The following AGBL1 variants were observed in gnomAD, a reference collection of about 807,000 sequenced individuals.
AGBL1 encodes the protein AGBL carboxypeptidase 1.
In AGBL1, 130 loss-of-function variants were observed where a neutral mutation model predicts 118.9. The observed-to-expected ratio is 1.09, with a 90% CI of 0.95 to 1.26. AGBL1 has a LOEUF of 1.26. Ranked by LOEUF, AGBL1 falls within the 50% of genes most tolerant of loss-of-function variation. AGBL1 has a pLI of 0.00. For missense variants in AGBL1, 1,584 were observed against 1,298.1 expected (o/e 1.22, Z -3.38); for synonymous variants, 555 against 478.9 (o/e 1.16, Z -2.08).
intron 22 of AGBL1, among the ~76,000 whole-genome samples, chr15:86,881,335 C>T (rs1433531375): frequency 6.6e-6 from 1 of 152,142 alleles, no homozygotes; most frequent in African/African-American, 2.4e-5. Context: ...TACTGCAAAC[C>T]TCCACATCCT....
At chr15:86,338,885 A>G (rs889395972) in intron 17 of AGBL1, among the ~76,000 whole-genome samples, 4 of 152,098 alleles carry the variant, frequency 2.6e-5, no homozygotes, top group Admixed American at 2.0e-4. Context: ...TCACCATTAT[A>G]TGTCATGTTA....
chr15:86,448,515 G>T (rs995348967), intron 18 of AGBL1, among the ~76,000 whole-genome samples: 2 of 152,206 alleles, frequency 1.3e-5, no homozygotes, highest in Non-Finnish European at 2.9e-5. Flanking sequence ...CCCATTGTCA[G>T]TTAAGGAACA....
chr15:86,710,400 A>G (rs2086536006), intron 22 of AGBL1, among the ~76,000 whole-genome samples: 1 of 152,192 alleles, frequency 6.6e-6, no homozygotes, highest in African/African-American at 2.4e-5. Flanking sequence ...CATTATTTTT[A>G]AAATAATGAA....
intron 21 of AGBL1, among the ~76,000 whole-genome samples, chr15:86,607,600 G>A (rs1219540375): frequency 6.6e-6 from 1 of 152,084 alleles, no homozygotes; most frequent in Non-Finnish European, 1.5e-5. Flanking sequence ...TTATATTTTG[G>A]CCATTTTACT....
chr15:86,454,296 A>T (rs1484317750), intron 18 of AGBL1, among the ~76,000 whole-genome samples: 1 of 152,172 alleles, frequency 6.6e-6, no homozygotes, highest in African/African-American at 2.4e-5. Flanking sequence ...AAAATATAGA[A>T]CGATTGGAAC....
chr15:86,283,878 A>G (rs1392650168), intron 16 of AGBL1, among the ~76,000 whole-genome samples: 4 of 152,142 alleles, frequency 2.6e-5, no homozygotes, highest in Non-Finnish European at 4.4e-5. Context: ...GAAAGCTTTG[A>G]GGTCAGACAG....
At chr15:86,219,302 G>A (rs376653092) in intron 5 of AGBL1, among the ~76,000 whole-genome samples, 2 of 152,284 alleles carry the variant, frequency 1.3e-5, no homozygotes, top group African/African-American at 4.8e-5. Flanking sequence ...AAATGTAATT[G>A]TGGTTTTTGC....
rs141143355 is a variant in AGBL1, at chr15:86,935,244, T to A, written c.3222-52743T>A. 3 of 151,994 alleles carry A rather than the reference T, an allele frequency of 2.0e-5. No homozygotes were observed. In the East Asian group the frequency reaches 5.8e-4, roughly 29 times the overall value. The allele number at this position is 151,994 out of a possible 1,614,324, so 9.4% of individuals were successfully genotyped here. ...GTGACCCCAGAGATCAATTAGAGGGTCGTTCAGTGTTTTACCATTTACTTG... is the reference window on the plus strand; with the variant it reads ...GTGACCCCAGAGATCAATTAGAGGGACGTTCAGTGTTTTACCATTTACTTG... On this transcript the variant is annotated intron_variant, in intron 23 of 24. Transcript: ENST00000441037.
chr15:87,016,405 G>A (rs7495992), intron 24 of AGBL1, among the ~76,000 whole-genome samples: 54 of 152,308 alleles, frequency 3.5e-4, no homozygotes, highest in African/African-American at 1.1e-3. Flanking sequence ...GTGCCTTGAA[G>A]AATGAGTGGG....
chr15:86,543,602 C>G (rs555128539), intron 19 of AGBL1, among the ~76,000 whole-genome samples: 39 of 152,158 alleles, frequency 2.6e-4, no homozygotes, highest in Non-Finnish European at 5.3e-4. Context: ...TGTTCAATGC[C>G]CTTTTCATGC....
chr15:86,173,513 T>G (rs1273549258), intron 5 of AGBL1, among the ~76,000 whole-genome samples: 7 of 152,184 alleles, frequency 4.6e-5, no homozygotes. Context: ...ATAAAATCTT[T>G]AACCAGACCA....
At chr15:86,243,508 C>T (rs1222312660) in intron 6 of AGBL1, among the ~76,000 whole-genome samples, 2 of 152,096 alleles carry the variant, frequency 1.3e-5, no homozygotes, top group African/African-American at 4.8e-5. Flanking sequence ...AGATAAATCT[C>T]CTGTTGTTCA....
intron 18 of AGBL1, 69 bp downstream of exon 18, chr15:86,397,615 G>A: frequency 3.4e-6 from 5 of 1,454,460 alleles, no homozygotes; most frequent in Non-Finnish European, 4.7e-6. Context: ...ATTTCACCAA[G>A]TAGGCGTGAT....
At chr15:86,721,852 T>C (rs1237124931) in intron 22 of AGBL1, among the ~76,000 whole-genome samples, 3 of 152,194 alleles carry the variant, frequency 2.0e-5, no homozygotes, top group African/African-American at 4.8e-5. Context: ...AGCATTCTTA[T>C]ACACCGATAA....
rs535890572 is a variant in AGBL1, at chr15:86,478,644, A to G, written c.2556-44166A>G. Among the ~76,000 whole-genome samples the G allele has an allele frequency of 5.9e-5, 9 of 152,316 alleles. No individual in the cohort carries two copies. The East Asian group carries it at 1.7e-3, about 29-fold the overall frequency. On this transcript the variant is annotated intron_variant, in intron 18 of 22. Transcript: ENST00000614907. Reference sequence around the variant, plus strand: ...GATAGGAAGAATCAATATCATGAAAATGGCCATACTGCCCAGGGTAATTTA... The same window carrying G: ...GATAGGAAGAATCAATATCATGAAAGTGGCCATACTGCCCAGGGTAATTTA...
intron 21 of AGBL1, among the ~76,000 whole-genome samples, chr15:86,593,350 G>A (rs1309149087): frequency 6.6e-6 from 1 of 150,600 alleles, no homozygotes; most frequent in Non-Finnish European, 1.5e-5. Context: ...TGGATCTGGT[G>A]TGCTCCTTGC....
At chr15:86,587,407 C>A (rs112134176) in intron 21 of AGBL1, among the ~76,000 whole-genome samples, 197 of 152,190 alleles carry the variant, frequency 1.3e-3, no homozygotes, top group Non-Finnish European at 2.2e-3. Flanking sequence ...GTGGCAGCAC[C>A]GTTTCAGTGT....
chr15:86,589,762 C>A (rs974149965), intron 21 of AGBL1, among the ~76,000 whole-genome samples: 2 of 152,118 alleles, frequency 1.3e-5, no homozygotes, highest in Admixed American at 6.6e-5. Flanking sequence ...CCCATCCTAT[C>A]TATTAGTCTA....
intron 21 of AGBL1, among the ~76,000 whole-genome samples, chr15:86,673,013 A>T (rs1487008893): frequency 6.6e-6 from 1 of 152,160 alleles, no homozygotes; most frequent in Non-Finnish European, 1.5e-5. Context: ...ATCCTTCTGC[A>T]TTCTTATTGT....
Sources: allele counts gnomAD v4.1 joint callset (sites outside exome capture counted in the v4.1 genomes callset), GRCh38; gene constraint gnomAD v4.1.1; transcripts MANE v1.5; gene names NCBI Gene and HGNC (gene_info 2026-07-23, HGNC 2026-07-21).